The following DDX4 variants were observed in gnomAD, a reference collection of about 807,000 sequenced individuals.
DDX4 encodes DEAD-box helicase 4, also known as probable ATP-dependent RNA helicase DDX4.
In DDX4, 25 loss-of-function variants were observed where a neutral mutation model predicts 100.0. The observed-to-expected ratio is 0.25, with a 90% confidence interval of 0.18 to 0.35. The LOEUF (loss-of-function observed/expected upper bound fraction) is 0.35, where lower values mean the gene tolerates loss of function less well. DDX4 is among the 10% of genes least tolerant of loss of function. The pLI, the probability that DDX4 is intolerant of heterozygous loss-of-function variation, is 1.00. For synonymous variants in DDX4, 259 were observed against 275.7 expected, an observed-to-expected ratio of 0.94 and a Z score of 0.60; for missense variants, 635 against 882.4, an observed-to-expected ratio of 0.72 and a Z score of 3.55.
chr5:55,814,758 G>A, intron 19 of DDX4, 143 bp from the exon 20 acceptor site: 1 of 804,964 alleles, frequency 1.2e-6, no homozygotes, highest in Non-Finnish European at 1.9e-6. Context: ...CCAAAGTGCT[G>A]GGGTTACAGG....
At chr5:55,787,752 A>G (rs751494618) in intron 14 of DDX4, 94 bp from the exon 15 acceptor site, 4 of 1,304,336 alleles carry the variant, frequency 3.1e-6, no homozygotes, top group Non-Finnish European at 3.1e-6. Context: ...AGATGGAAGT[A>G]GAGTCTAAAG....
At chr5:55,778,008 A>G (rs1288331884) in intron 7 of DDX4, among the ~76,000 whole-genome samples, 1 of 152,188 alleles carries the variant, frequency 6.6e-6, no homozygotes, top group Non-Finnish European at 1.5e-5. Flanking sequence ...AGCTTGATTT[A>G]ATATTTGTTT....
intron 18 of DDX4, among the ~76,000 whole-genome samples, chr5:55,804,799 G>T (rs1238202660): frequency 6.6e-6 from 1 of 152,024 alleles, no homozygotes; most frequent in Non-Finnish European, 1.5e-5. Flanking sequence ...TTGACTTGGC[G>T]ATGCGGGCTC....
intron 10 of DDX4, among the ~76,000 whole-genome samples, chr5:55,785,019 A>G (rs1022412766): frequency 6.6e-6 from 1 of 152,242 alleles, no homozygotes; most frequent in African/African-American, 2.4e-5. Flanking sequence ...CCCCTCCAAC[A>G]CAGGTTCTTT....
chr5:55,781,810 T>G, intron 9 of DDX4, 124 bp from the exon 10 acceptor site: 1 of 988,526 alleles, frequency 1.0e-6, no homozygotes, highest in Non-Finnish European at 1.5e-6. Flanking sequence ...AATTAAGAGA[T>G]GGATGGGTTA....
intron 3 of DDX4, among the ~76,000 whole-genome samples, chr5:55,748,902 G>C (rs1177431024): frequency 2.6e-5 from 4 of 151,932 alleles, no homozygotes; most frequent in Non-Finnish European, 5.9e-5. Context: ...ATAAATACTT[G>C]TCTTGTTTTT....
Position 55,786,509 on chromosome 5 carries a change from A to T in DDX4, c.865-9A>T, listed in dbSNP as rs1414922911. On this transcript the variant is annotated splice_polypyrimidine_tract_variant and intron_variant, in intron 13 of 21. Coordinates refer to ENST00000505374, the MANE Select transcript of DDX4 (RefSeq NM_024415.3). The stretch of plus-strand genomic sequence containing the variant: ...AGAATGTAATCACTGCTTTTTTTTA[A>T]ATTTTCAGACTTTTGAAGAAGCTAA... 1 of 1,603,720 alleles carries T rather than the reference A, an allele frequency of 6.2e-7. No individual in the cohort carries two copies. The highest frequency in any genetic ancestry group is 1.7e-5 in the Admixed American group (1 of 58,382).
intron 3 of DDX4, among the ~76,000 whole-genome samples, chr5:55,750,048 C>CA (rs1048063054): frequency 6.6e-6 from 1 of 151,348 alleles, no homozygotes; most frequent in African/African-American, 2.4e-5. Context: ...AATCTGTACT[C>CA]AAACTACACA....
intron 9 of DDX4, 91 bp downstream of exon 9, chr5:55,781,237 C>A: frequency 1.0e-6 from 1 of 976,180 alleles, no homozygotes; most frequent in Non-Finnish European, 1.5e-6. Context: ...TTAAAGTATA[C>A]TAGTTTGGCT....
intron 2 of DDX4, among the ~76,000 whole-genome samples, chr5:55,740,288 A>T (rs947306102): frequency 6.8e-6 from 1 of 147,726 alleles, no homozygotes; most frequent in Non-Finnish European, 1.5e-5. Flanking sequence ...TCCTGCCTCA[A>T]CCTCCCTCAG....
chr5:55,784,524 AC>A (rs1467158451), intron 10 of DDX4, among the ~76,000 whole-genome samples: 3 of 152,224 alleles, frequency 2.0e-5, no homozygotes, highest in Non-Finnish European at 4.4e-5. Flanking sequence ...CCGCAAATTA[AC>A]CATCACAGCT....
At chr5:55,764,229 A>G (rs1024148007) in intron 6 of DDX4, among the ~76,000 whole-genome samples, 165 bp downstream of exon 6, 2 of 152,210 alleles carry the variant, frequency 1.3e-5, no homozygotes, top group East Asian at 1.9e-4. Flanking sequence ...ACTGCTTTGT[A>G]CATAAAGAAT....
At chr5:55,778,563 G>T (rs540650327) in intron 7 of DDX4, among the ~76,000 whole-genome samples, 1 of 152,136 alleles carries the variant, frequency 6.6e-6, no homozygotes, top group African/African-American at 2.4e-5. Context: ...AAAAGAAAAT[G>T]AGGTAGTTTC....
intron 16 of DDX4, among the ~76,000 whole-genome samples, chr5:55,791,557 T>TA (rs1333031034): frequency 1.3e-5 from 2 of 152,200 alleles, no homozygotes; most frequent in Non-Finnish European, 2.9e-5. Context: ...GAGAATTTAC[T>TA]AAGGATTTAA....
chr5:55,765,409 A>ATATATAT (rs1416478232), intron 6 of DDX4, among the ~76,000 whole-genome samples: 1,322 of 103,730 alleles, frequency 0.013, 7 homozygotes, highest in Non-Finnish European at 0.019. Flanking sequence ...AAAAAAAAAA[A>ATATATAT]AAAAATATAT....
chr5:55,814,042 A>G (rs1744253445), intron 19 of DDX4, among the ~76,000 whole-genome samples: 2 of 152,116 alleles, frequency 1.3e-5, no homozygotes, highest in African/African-American at 4.8e-5. Context: ...AGGAGTGGAA[A>G]TTTCTCAAGA....
chr5:55,787,535 C>T (rs1742316921), intron 14 of DDX4, among the ~76,000 whole-genome samples: 1 of 152,182 alleles, frequency 6.6e-6, no homozygotes, highest in Non-Finnish European at 1.5e-5. Context: ...GCAGCGATTA[C>T]ATCTATCATA....
chr5:55,790,475 TG>T, intron 15 of DDX4, 100 bp from the exon 16 acceptor site: 1 of 805,838 alleles, frequency 1.2e-6, no homozygotes, highest in East Asian at 2.5e-5. Context: ...GATAGTTGAA[TG>T]TTTGTTTTTT....
At chr5:55,741,825 AT>A (rs1204287274) in intron 2 of DDX4, among the ~76,000 whole-genome samples, 2 of 152,042 alleles carry the variant, frequency 1.3e-5, no homozygotes, top group African/African-American at 4.8e-5. Context: ...AGATGAATAC[AT>A]TACATTTTTA....
Sources: allele counts gnomAD v4.1 joint callset (sites outside exome capture counted in the v4.1 genomes callset), GRCh38; gene constraint gnomAD v4.1.1; transcripts MANE v1.5; gene names NCBI Gene and HGNC (gene_info 2026-07-23, HGNC 2026-07-21).